Variants in CSRNP3 observed in about 807,000 individuals in gnomAD.
CSRNP3 encodes cysteine and serine rich nuclear protein 3.
In CSRNP3, 12 loss-of-function variants were observed where a neutral mutation model predicts 48.0. The observed-to-expected ratio is 0.25, with a 90% CI of 0.16 to 0.41. The LOEUF (loss-of-function observed/expected upper bound fraction) is 0.41, where lower values mean the gene tolerates loss of function less well. Among genes scored for constraint, CSRNP3 ranks in the 10% least tolerant of loss-of-function variants. The pLI, the probability that CSRNP3 is intolerant of heterozygous loss-of-function variation, is 1.00. For missense variants in CSRNP3, 580 were observed against 724.4 expected (o/e 0.80, Z 2.29); for synonymous variants, 263 against 269.7 (o/e 0.98, Z 0.24).
intron 4 of CSRNP3, among the ~76,000 whole-genome samples, chr2:165,646,558 C>A (rs907995456): frequency 6.6e-6 from 1 of 152,154 alleles, no homozygotes; most frequent in African/African-American, 2.4e-5. Context: ...TGAAGAATAG[C>A]AAATGTTTCC....
chr2:165,512,782 A>G (rs1268635942), intron 2 of CSRNP3, among the ~76,000 whole-genome samples: 1 of 152,222 alleles, frequency 6.6e-6, no homozygotes, highest in Admixed American at 6.5e-5. Flanking sequence ...TAGAATTAAT[A>G]TGACTGTCAG....
At chr2:165,507,123 C>T (rs899305539) in intron 2 of CSRNP3, among the ~76,000 whole-genome samples, 6 of 152,010 alleles carry the variant, frequency 3.9e-5, no homozygotes, top group African/African-American at 1.4e-4. Flanking sequence ...TATAAATATT[C>T]TATCACATTC....
chr2:165,557,653 C>T (rs567203493), intron 3 of CSRNP3, among the ~76,000 whole-genome samples: 24 of 152,182 alleles, frequency 1.6e-4, no homozygotes, highest in African/African-American at 5.8e-4. Context: ...AATGTTTTGG[C>T]TGCCGTTGAT....
chr2:165,476,877 AGTT>A (rs1237025967), intron 1 of CSRNP3, among the ~76,000 whole-genome samples: 1 of 152,200 alleles, frequency 6.6e-6, no homozygotes, highest in Non-Finnish European at 1.5e-5. Flanking sequence ...TGCAATTTTT[AGTT>A]GTTGTTGCTA....
At chr2:165,530,973 C>CT (rs550082151) in intron 3 of CSRNP3, among the ~76,000 whole-genome samples, 41 of 147,770 alleles carry the variant, frequency 2.8e-4, no homozygotes, top group East Asian at 1.4e-3. Flanking sequence ...CCATAAAATT[C>CT]TTTTTTTTTT....
chr2:165,545,901 T>C (rs1685018891), intron 3 of CSRNP3, among the ~76,000 whole-genome samples: 1 of 152,222 alleles, frequency 6.6e-6, no homozygotes, highest in African/African-American at 2.4e-5. Flanking sequence ...ATTTGAATGA[T>C]AATTTACCTC....
chr2:165,475,330 C>T (rs1228919870), intron 1 of CSRNP3, among the ~76,000 whole-genome samples: 1 of 152,166 alleles, frequency 6.6e-6, no homozygotes, highest in Admixed American at 6.6e-5. Flanking sequence ...TCATGCTGCC[C>T]ACTGAACTTA....
At chr2:165,553,696 C>T (rs1403466932) in intron 3 of CSRNP3, among the ~76,000 whole-genome samples, 1 of 152,078 alleles carries the variant, frequency 6.6e-6, no homozygotes, top group Non-Finnish European at 1.5e-5. Flanking sequence ...AAATTTCTAC[C>T]TTCCATTTGT....
intron 2 of CSRNP3, among the ~76,000 whole-genome samples, chr2:165,501,167 G>A (rs904976440): frequency 6.6e-6 from 1 of 152,092 alleles, no homozygotes; most frequent in African/African-American, 2.4e-5. Context: ...GAAATGCTAT[G>A]CTAAGATCAT....
Position 165,549,405 on chromosome 2 carries a change from G to A in CSRNP3, c.-24+31444G>A, listed in dbSNP as rs187217022. Among the ~76,000 whole-genome samples the A allele has an allele frequency of 3.4e-4, 51 of 152,120 alleles. No individual in the cohort carries two copies. In the East Asian group the frequency reaches 8.7e-3, roughly 26 times the overall value. On this transcript the variant is annotated intron_variant, in intron 3 of 6. Coordinates refer to ENST00000651982, the MANE Select transcript of CSRNP3 (RefSeq NM_001172173.2). Reference sequence around the variant, plus strand: ...TTATACCTCTAGTCAGTTAATACAAGTTAATCGCAACTGGTTACTAAATTA... The same window carrying A: ...TTATACCTCTAGTCAGTTAATACAAATTAATCGCAACTGGTTACTAAATTA...
At chr2:165,520,770 TTATATATATATATTA>T (rs1446289128) in intron 3 of CSRNP3, among the ~76,000 whole-genome samples, 6 of 107,370 alleles carry the variant, frequency 5.6e-5, no homozygotes, top group Non-Finnish European at 9.4e-5. Context: ...TAGAAATATA[TTATATATATATATTA>T]TATATATATA....
chr2:165,531,983 C>T (rs1277820552), intron 3 of CSRNP3, among the ~76,000 whole-genome samples: 2 of 152,148 alleles, frequency 1.3e-5, no homozygotes, highest in Non-Finnish European at 2.9e-5. Flanking sequence ...TTCCTCGACA[C>T]ATACATCCTC....
intron 3 of CSRNP3, chr2:165,574,417 A>G: frequency 1.3e-6 from 2 of 1,549,430 alleles, no homozygotes; most frequent in East Asian, 4.9e-5. Context: ...CGTAGTCGTT[A>G]TATAGTGCAC....
chr2:165,476,653 A>G (rs939641362), intron 1 of CSRNP3, among the ~76,000 whole-genome samples: 6 of 152,202 alleles, frequency 3.9e-5, no homozygotes, highest in African/African-American at 1.2e-4. Context: ...GTGCAGGATA[A>G]TCATTGATGG....
At chr2:165,504,192 A>T (rs901318490) in intron 2 of CSRNP3, among the ~76,000 whole-genome samples, 1 of 152,076 alleles carries the variant, frequency 6.6e-6, no homozygotes, top group Non-Finnish European at 1.5e-5. Flanking sequence ...ATACATTTCA[A>T]ATTCACATAA....
At chr2:165,516,610 A>C (rs1439787287) in intron 2 of CSRNP3, among the ~76,000 whole-genome samples, 1 of 152,116 alleles carries the variant, frequency 6.6e-6, no homozygotes, top group East Asian at 1.9e-4. Flanking sequence ...AAAACCTAAA[A>C]ATCATTAAAA....
chr2:165,508,231 T>C (rs1332634322), intron 2 of CSRNP3, among the ~76,000 whole-genome samples: 2 of 152,122 alleles, frequency 1.3e-5, no homozygotes, highest in Non-Finnish European at 2.9e-5. Flanking sequence ...GGGAATCTGA[T>C]CAATTCTACC....
chr2:165,673,131 CTTT>C (rs3032370), intron 5 of CSRNP3, among the ~76,000 whole-genome samples: 3 of 67,122 alleles, frequency 4.5e-5, no homozygotes, highest in African/African-American at 1.2e-4. Flanking sequence ...GTATGTAGCT[CTTT>C]TTTTTTTTTT....
intron 4 of CSRNP3, among the ~76,000 whole-genome samples, chr2:165,616,005 A>G (rs1686236824): frequency 6.7e-6 from 1 of 150,120 alleles, no homozygotes; most frequent in Non-Finnish European, 1.5e-5. Context: ...CACTGGGATT[A>G]CAGGCATGAG....
Sources: gnomAD v4.1 joint callset for allele counts (sites outside exome capture counted in the v4.1 genomes callset) on GRCh38, gnomAD v4.1.1 for gene constraint, MANE v1.5 for transcripts, NCBI Gene and HGNC (gene_info 2026-07-23, HGNC 2026-07-21) for gene names.